The following NRXN1 variants were observed in gnomAD, a reference collection of about 807,000 sequenced individuals.
NRXN1 encodes neurexin 1, also known as neurexin-1.
Under a neutral mutation model 150.9 loss-of-function variants are expected in NRXN1, and 39 were observed. The observed-to-expected ratio is 0.26, with a 90% CI of 0.20 to 0.34. The LOEUF is 0.34. Among genes scored for constraint, NRXN1 ranks in the 10% least tolerant of loss-of-function variants. The pLI is 1.00. For missense variants in NRXN1, 1,815 were observed against 1,949.9 expected (o/e 0.93, Z 1.30); for synonymous variants, 924 against 757.0 (o/e 1.22, Z -3.62).
At chr2:50,426,253 C>T (rs2084479356) in intron 17 of NRXN1, among the ~76,000 whole-genome samples, 1 of 152,128 alleles carries the variant, frequency 6.6e-6, no homozygotes, top group Non-Finnish European at 1.5e-5. Flanking sequence ...GTGAATGCCA[C>T]CAATTGTGTT....
At chr2:50,428,368 T>C (rs1366604464) in intron 17 of NRXN1, among the ~76,000 whole-genome samples, 2 of 152,166 alleles carry the variant, frequency 1.3e-5, no homozygotes, top group Non-Finnish European at 2.9e-5. Flanking sequence ...TGAGCCATGA[T>C]TGTACCACTG....
At chr2:50,929,710 C>A (rs1259649533) in intron 2 of NRXN1, among the ~76,000 whole-genome samples, 1 of 152,060 alleles carries the variant, frequency 6.6e-6, no homozygotes, top group East Asian at 1.9e-4. Flanking sequence ...GTGCTAACTT[C>A]TATCCACGTC....
intron 5 of NRXN1, chr2:50,918,477 T>C (rs902116310): frequency 5.8e-6 from 2 of 345,254 alleles, no homozygotes; most frequent in Non-Finnish European, 1.1e-5. Context: ...TGATGACTTA[T>C]GAAGGAAAAG....
At chr2:50,621,658 C>T (rs1026427779) in intron 6 of NRXN1, among the ~76,000 whole-genome samples, 18 of 152,088 alleles carry the variant, frequency 1.2e-4, no homozygotes, top group African/African-American at 4.3e-4. Context: ...CCATACTTGA[C>T]CCCTCCTCCA....
chr2:50,582,964 ATT>A (rs1265216821), intron 8 of NRXN1, among the ~76,000 whole-genome samples: 1 of 151,002 alleles, frequency 6.6e-6, no homozygotes, highest in Non-Finnish European at 1.5e-5. Context: ...CTTTGTATAT[ATT>A]GTCTCTCTCC....
intron 9 of NRXN1, 99 bp downstream of exon 9, chr2:50,552,488 C>T: frequency 1.2e-6 from 1 of 845,532 alleles, no homozygotes. Context: ...GAAACAAATG[C>T]AGGAAGTCTT....
intron 19 of NRXN1, among the ~76,000 whole-genome samples, chr2:50,056,552 T>C (rs940594252): frequency 1.3e-5 from 2 of 152,176 alleles, no homozygotes; most frequent in African/African-American, 4.8e-5. Flanking sequence ...TGTGGGAATA[T>C]AGTTTTGTTA....
chr2:50,288,875 A>G (rs1488103059), intron 17 of NRXN1, among the ~76,000 whole-genome samples: 1 of 152,152 alleles, frequency 6.6e-6, no homozygotes, highest in African/African-American at 2.4e-5. Context: ...CCTAACTAGA[A>G]GAGATAGCTC....
intron 3 of NRXN1, 113 bp downstream of exon 3, chr2:50,925,825 A>C: frequency 1.2e-6 from 1 of 816,294 alleles, no homozygotes; most frequent in Non-Finnish European, 2.1e-6. Context: ...TCCAGAAACC[A>C]ACAAATGTTC....
At chr2:51,014,234 T>C (rs150841671) in intron 2 of NRXN1, among the ~76,000 whole-genome samples, 6 of 152,036 alleles carry the variant, frequency 3.9e-5, no homozygotes, top group African/African-American at 1.4e-4. Context: ...GAAGTGATAG[T>C]GGGTAAAATA....
chr2:50,900,793 G>A (rs776008092), intron 5 of NRXN1, among the ~76,000 whole-genome samples: 5 of 152,136 alleles, frequency 3.3e-5, no homozygotes, highest in Non-Finnish European at 7.3e-5. Flanking sequence ...ACCAGCTAAA[G>A]CAGCTGGCAG....
chr2:50,086,435 A>C (rs931025514), intron 19 of NRXN1, among the ~76,000 whole-genome samples: 1 of 152,142 alleles, frequency 6.6e-6, no homozygotes, highest in Non-Finnish European at 1.5e-5. Context: ...AAATTGCATG[A>C]TCACGAGAAA....
intron 14 of NRXN1, among the ~76,000 whole-genome samples, chr2:50,496,416 TA>T (rs1045971948): frequency 1.3e-5 from 2 of 152,218 alleles, no homozygotes; most frequent in Admixed American, 1.3e-4. Flanking sequence ...CATCCTTTTC[TA>T]ACACTTAAAA....
At position 51,016,331 on chromosome 2, in the gene NRXN1, T is replaced by C. The variant is rs1045653442; in HGVS notation, c.772+11171A>G. On this transcript the variant is annotated intron_variant, in intron 2 of 22. Coordinates refer to ENST00000401669, the MANE Select transcript of NRXN1 (RefSeq NM_001330078.2). ...TCAGAGTGACAGGCAACCTGCAGAA[T>C]GGGAGAAAATTTTTGAAATCTATCC... 2.0e-5 allele frequency among the ~76,000 whole-genome samples: 3 copies of C among 152,254 alleles called. No individual in the cohort carries two copies. In the East Asian group the frequency reaches 5.8e-4, roughly 30 times the overall value.
chr2:50,895,576 TG>T (rs200339466), intron 5 of NRXN1, among the ~76,000 whole-genome samples: 4,955 of 150,292 alleles, frequency 0.033, 153 homozygotes, highest in East Asian at 0.076. Context: ...TTGTTTTTTT[TG>T]TTTGTTTGTC....
rs7608574 is a variant in NRXN1 at position 49,979,905 on chromosome 2, G to T, written c.4129-36114C>A. 5.9e-3 allele frequency among the ~76,000 whole-genome samples: 277 copies of T among 47,052 alleles called. 9 individuals are homozygous for T. Among genetic ancestry groups the T allele is most frequent in the Middle Eastern group, 0.045 (2 of 44 alleles). The allele number at this position is 47,052 out of a possible 152,430, so 30.9% of individuals were successfully genotyped here. ...CCACATAGTCTTATATTGTTTTTTT[G>T]GTTTTTTTTTTCTGCTACTGTATTC... On this transcript the variant is annotated intron_variant, in intron 21 of 22. Transcript: ENST00000401669.
intron 17 of NRXN1, among the ~76,000 whole-genome samples, chr2:50,429,644 G>A (rs2084788575): frequency 2.6e-5 from 4 of 151,982 alleles, no homozygotes; most frequent in Admixed American, 2.6e-4. Flanking sequence ...AATCTTTCTA[G>A]GAAAAATAAT....
chr2:50,773,849 C>G (rs2105466565), intron 5 of NRXN1, among the ~76,000 whole-genome samples: 1 of 152,244 alleles, frequency 6.6e-6, no homozygotes, highest in South Asian at 2.1e-4. Flanking sequence ...TGGAATCACA[C>G]TTTGCTCAAC....
intron 17 of NRXN1, among the ~76,000 whole-genome samples, chr2:50,321,841 T>C (rs2076060777): frequency 1.3e-5 from 2 of 152,124 alleles, no homozygotes; most frequent in Non-Finnish European, 2.9e-5. Flanking sequence ...AGTAGCTAAC[T>C]AGTATCTATG....
Sources: gnomAD v4.1 joint callset for allele counts (sites outside exome capture counted in the v4.1 genomes callset) on GRCh38, gnomAD v4.1.1 for gene constraint, MANE v1.5 for transcripts, NCBI Gene and HGNC (gene_info 2026-07-23, HGNC 2026-07-21) for gene names.